Variants in ATXN1 observed in about 807,000 individuals in gnomAD.
ATXN1 encodes the protein ataxin-1.
Under a neutral mutation model 56.4 loss-of-function variants are expected in ATXN1, and 8 were observed. The ratio of observed to expected loss-of-function variants is 0.14; its 90% CI spans 0.08 to 0.26. The LOEUF (loss-of-function observed/expected upper bound fraction) is 0.26. ATXN1 is among the 10% of genes least tolerant of loss of function. ATXN1 has a pLI of 1.00. For synonymous variants in ATXN1, 514 were observed against 494.6 expected, an observed-to-expected ratio of 1.04 and a Z score of -0.52; for missense variants, 987 against 1,106.5, an observed-to-expected ratio of 0.89 and a Z score of 1.53.
At position 16,460,735 on chromosome 6, in the gene ATXN1, C is replaced by T. The variant is rs142698360; in HGVS notation, c.-161+25237G>A. ...CTAATCCTGACCTTAACCTATATAC[C>T]GATGGAAGTTCATTTGTGGAGAATG... On this transcript the variant is annotated intron_variant, in intron 6 of 7. Transcript: ENST00000436367. Among the ~76,000 whole-genome samples, 1,430 of 152,206 alleles carry T rather than the reference C, an allele frequency of 9.4e-3. 8 individuals carry two copies. The highest frequency in any genetic ancestry group is 0.027 in the Middle Eastern group (8 of 294).
chr6:16,679,334 A>G (rs1758763232), intron 2 of ATXN1, among the ~76,000 whole-genome samples: 4 of 122,744 alleles, frequency 3.3e-5, no homozygotes, highest in African/African-American at 1.3e-4. Context: ...GTGGGTGGAT[A>G]GGTGGATGGG....
chr6:16,321,631 C>T (rs148775626), intron 7 of ATXN1, among the ~76,000 whole-genome samples: 1 of 152,212 alleles, frequency 6.6e-6, no homozygotes, highest in Non-Finnish European at 1.5e-5. Flanking sequence ...TACATTGCCT[C>T]GTCTGGAGCG....
At chr6:16,705,974 G>A (rs986499498) in intron 2 of ATXN1, among the ~76,000 whole-genome samples, 3 of 151,556 alleles carry the variant, frequency 2.0e-5, no homozygotes, top group Admixed American at 6.6e-5. Context: ...TCTCTGCTTG[G>A]CTCACAAGGG....
chr6:16,457,398 A>G (rs1759898679), intron 6 of ATXN1, among the ~76,000 whole-genome samples: 1 of 152,014 alleles, frequency 6.6e-6, no homozygotes, highest in Non-Finnish European at 1.5e-5. Flanking sequence ...AAAAAAAAAA[A>G]AACTGCAGGC....
chr6:16,656,462 A>T (rs1581336605), intron 3 of ATXN1, among the ~76,000 whole-genome samples: 1 of 151,866 alleles, frequency 6.6e-6, no homozygotes, highest in South Asian at 2.1e-4. Context: ...CAATTTGAGG[A>T]CTCTGCTTCC....
chr6:16,473,999 A>G (rs542225985), intron 6 of ATXN1, among the ~76,000 whole-genome samples: 1 of 152,284 alleles, frequency 6.6e-6, no homozygotes, highest in South Asian at 2.1e-4. Context: ...AACTCTTTCA[A>G]TGACCACTCC....
At chr6:16,340,773 G>A (rs1484685141) in intron 6 of ATXN1, among the ~76,000 whole-genome samples, 2 of 152,228 alleles carry the variant, frequency 1.3e-5, no homozygotes, top group Non-Finnish European at 2.9e-5. Flanking sequence ...TCAGTGATAA[G>A]AATGCCTTGT....
intron 4 of ATXN1, among the ~76,000 whole-genome samples, chr6:16,558,274 C>T (rs937203315): frequency 7.2e-6 from 1 of 138,968 alleles, no homozygotes; most frequent in Non-Finnish European, 1.5e-5. Context: ...GCACTCCAGC[C>T]TGGGTGACAG....
intron 2 of ATXN1, among the ~76,000 whole-genome samples, chr6:16,734,163 T>C (rs368634900): frequency 2.3e-4 from 35 of 152,274 alleles, no homozygotes; most frequent in African/African-American, 7.9e-4. Context: ...TTGTGAGAGA[T>C]CTGTTGGCAC....
chr6:16,376,385 T>A (rs1200922994), intron 6 of ATXN1, among the ~76,000 whole-genome samples: 1 of 152,232 alleles, frequency 6.6e-6, no homozygotes, highest in Non-Finnish European at 1.5e-5. Context: ...GGATTGTATT[T>A]TGACTAGCCT....
chr6:16,445,751 T>C (rs1221432783), intron 6 of ATXN1, among the ~76,000 whole-genome samples: 7 of 141,494 alleles, frequency 4.9e-5, no homozygotes, highest in African/African-American at 1.1e-4. Flanking sequence ...TCAATTCCCA[T>C]CTATGAGTGA....
intron 2 of ATXN1, among the ~76,000 whole-genome samples, chr6:16,694,963 T>C (rs1759132659): frequency 6.6e-6 from 1 of 152,184 alleles, no homozygotes; most frequent in East Asian, 1.9e-4. Context: ...TCAGGCCCTT[T>C]GCTAGCCTCA....
At chr6:16,418,363 C>T (rs867117067) in intron 6 of ATXN1, among the ~76,000 whole-genome samples, 6 of 152,238 alleles carry the variant, frequency 3.9e-5, no homozygotes, top group Admixed American at 2.0e-4. Context: ...CCACATTAAG[C>T]GATACTTCTT....
intron 3 of ATXN1, among the ~76,000 whole-genome samples, chr6:16,602,522 G>C (rs931487606): frequency 2.0e-5 from 3 of 151,318 alleles, no homozygotes; most frequent in African/African-American, 7.3e-5. Flanking sequence ...CATGATCTTG[G>C]CTCACTGCAA....
At chr6:16,322,031 G>T (rs569975645) in intron 7 of ATXN1, among the ~76,000 whole-genome samples, 1 of 152,128 alleles carries the variant, frequency 6.6e-6, no homozygotes, top group African/African-American at 2.4e-5. Context: ...AGACCAGCAC[G>T]GGCAAGATAG....
At chr6:16,629,676 G>A (rs1211130993) in intron 3 of ATXN1, among the ~76,000 whole-genome samples, 1 of 152,042 alleles carries the variant, frequency 6.6e-6, no homozygotes, top group African/African-American at 2.4e-5. Context: ...TGCACTTTGG[G>A]AGGCTGAAGT....
chr6:16,416,179 G>A (rs1002554510), intron 6 of ATXN1, among the ~76,000 whole-genome samples: 2 of 151,392 alleles, frequency 1.3e-5, no homozygotes, highest in African/African-American at 4.9e-5. Flanking sequence ...CTAGTTTCTG[G>A]AAAGTAATGT....
intron 3 of ATXN1, among the ~76,000 whole-genome samples, chr6:16,619,818 G>A (rs1176315318): frequency 6.6e-6 from 1 of 151,538 alleles, no homozygotes; most frequent in Non-Finnish European, 1.5e-5. Context: ...TGAGGGGCAA[G>A]GATCGCTTGA....
intron 3 of ATXN1, among the ~76,000 whole-genome samples, chr6:16,655,245 G>C (rs957640870): frequency 6.6e-6 from 1 of 152,180 alleles, no homozygotes; most frequent in Non-Finnish European, 1.5e-5. Context: ...TTCAGGCCAG[G>C]CACAGTGGTG....
Sources: allele counts gnomAD v4.1 joint callset (sites outside exome capture counted in the v4.1 genomes callset), GRCh38; gene constraint gnomAD v4.1.1; transcripts MANE v1.5; gene names NCBI Gene and HGNC (gene_info 2026-07-23, HGNC 2026-07-21).